PTPRO: variants seen among roughly 807,000 people sequenced by gnomAD.
PTPRO encodes protein tyrosine phosphatase receptor type O.
PTPRO carries 62 observed loss-of-function variants against 145.2 expected under a neutral mutation model. The ratio of observed to expected loss-of-function variants is 0.43; its 90% CI spans 0.35 to 0.53. The LOEUF is 0.53. PTPRO is among the 20% of genes least tolerant of loss of function. The pLI is 0.01. For synonymous variants in PTPRO, 565 were observed against 514.7 expected (o/e 1.10, Z -1.32); for missense variants, 1,345 against 1,482.7 (o/e 0.91, Z 1.53).
At chr12:15,562,902 A>G (rs746461053) in intron 17 of PTPRO, among the ~76,000 whole-genome samples, 23 of 152,214 alleles carry the variant, frequency 1.5e-4, no homozygotes, top group Non-Finnish European at 3.1e-4. Context: ...TTGAAGAATG[A>G]TATAATATAC....
At chr12:15,428,861 G>T (rs1004281111) in intron 1 of PTPRO, among the ~76,000 whole-genome samples, 3 of 152,064 alleles carry the variant, frequency 2.0e-5, no homozygotes, top group Non-Finnish European at 4.4e-5. Context: ...ATTCCAGCCA[G>T]CAGGAAGGAG....
intron 15 of PTPRO, among the ~76,000 whole-genome samples, chr12:15,554,090 A>G (rs915492778): frequency 6.6e-6 from 1 of 152,172 alleles, no homozygotes; most frequent in Non-Finnish European, 1.5e-5. Context: ...GCTACTCAGG[A>G]GGCTGAGACA....
rs1202762317 is a variant in PTPRO at position 15,597,768 on chromosome 12, ACCT to A, written c.*1703_*1705del. Among the ~76,000 whole-genome samples the A allele has an allele frequency of 6.6e-6, 1 of 151,504 alleles. No homozygotes were observed. The highest frequency in any genetic ancestry group is 1.5e-5 in the Non-Finnish European group (1 of 67,844). Reference sequence around the variant, plus strand: ...AGTTCCTACTCACCTCCCTGCTACCACCTCCTCCTCTTCTTCTCACCCCCGACT... The same window carrying A: ...AGTTCCTACTCACCTCCCTGCTACCACCTCCTCTTCTTCTCACCCCCGACT... On this transcript the variant is annotated 3_prime_UTR_variant, in exon 27 of 27. Transcript: ENST00000281171.
chr12:15,438,099 A>G (rs1182451214), intron 1 of PTPRO, among the ~76,000 whole-genome samples: 1 of 152,242 alleles, frequency 6.6e-6, no homozygotes, highest in Non-Finnish European at 1.5e-5. Flanking sequence ...CTGCTATAGA[A>G]GAAAAACTGA....
chr12:15,450,055 T>C (rs1182346342), intron 1 of PTPRO, among the ~76,000 whole-genome samples: 5 of 152,246 alleles, frequency 3.3e-5, no homozygotes, highest in Admixed American at 2.0e-4. Context: ...CCCTTCTCTT[T>C]TTCTTGTCAT....
chr12:15,475,367 C>G (rs1043267792), intron 1 of PTPRO, among the ~76,000 whole-genome samples: 3 of 152,154 alleles, frequency 2.0e-5, no homozygotes, highest in Non-Finnish European at 2.9e-5. Context: ...TTTTGCTTAA[C>G]AGACTTTCCC....
intron 1 of PTPRO, among the ~76,000 whole-genome samples, chr12:15,360,471 G>A (rs1206778137): frequency 6.6e-6 from 1 of 152,014 alleles, no homozygotes; most frequent in East Asian, 1.9e-4. Context: ...GAAATTTTCT[G>A]GTCTAAGTCC....
intron 1 of PTPRO, among the ~76,000 whole-genome samples, chr12:15,376,035 C>T (rs1234351746): frequency 1.3e-5 from 2 of 152,102 alleles, no homozygotes; most frequent in Non-Finnish European, 2.9e-5. Flanking sequence ...TCAACATACA[C>T]ATTATGTGAG....
At chr12:15,384,351 T>A (rs1938956593) in intron 1 of PTPRO, among the ~76,000 whole-genome samples, 1 of 152,182 alleles carries the variant, frequency 6.6e-6, no homozygotes, top group South Asian at 2.1e-4. Flanking sequence ...TTAGTTAGTT[T>A]GAACTGCCAT....
At chr12:15,564,039 G>A (rs1943840059) in intron 17 of PTPRO, among the ~76,000 whole-genome samples, 3 of 152,132 alleles carry the variant, frequency 2.0e-5, no homozygotes, top group Admixed American at 2.0e-4. Context: ...ATGCCTATAA[G>A]ATACAGCTAT....
At chr12:15,513,165 G>GAA (rs1565675730) in intron 7 of PTPRO, among the ~76,000 whole-genome samples, 1 of 54,366 alleles carries the variant, frequency 1.8e-5, no homozygotes, top group African/African-American at 8.2e-5. Context: ...GAAAAAGAAA[G>GAA]AAAGAAAGAA....
intron 1 of PTPRO, among the ~76,000 whole-genome samples, chr12:15,419,070 C>T (rs1940061263): frequency 6.6e-6 from 1 of 151,438 alleles, no homozygotes; most frequent in African/African-American, 2.5e-5. Context: ...TTACAGTACA[C>T]AGAAGATAAA....
At chr12:15,383,005 T>C (rs1938911937) in intron 1 of PTPRO, among the ~76,000 whole-genome samples, 1 of 152,214 alleles carries the variant, frequency 6.6e-6, no homozygotes, top group African/African-American at 2.4e-5. Flanking sequence ...TTTTAAAATA[T>C]ACAATACAAT....
At chr12:15,330,247 C>T (rs1349637734) in intron 1 of PTPRO, among the ~76,000 whole-genome samples, 2 of 152,188 alleles carry the variant, frequency 1.3e-5, no homozygotes, top group African/African-American at 4.8e-5. Context: ...AGACGACAAA[C>T]ACTGGCATTA....
chr12:15,536,344 G>T (rs962342140), intron 12 of PTPRO, among the ~76,000 whole-genome samples: 1 of 152,194 alleles, frequency 6.6e-6, no homozygotes, highest in Non-Finnish European at 1.5e-5. Flanking sequence ...TTGAGTCAGA[G>T]CCTAAAGGAG....
intron 23 of PTPRO, among the ~76,000 whole-genome samples, chr12:15,584,727 T>TC (rs1944394977): frequency 6.6e-6 from 1 of 152,212 alleles, no homozygotes; most frequent in South Asian, 2.1e-4. Context: ...AATTAATATA[T>TC]TTTTCAATTT....
chr12:15,478,384 T>C lies in PTPRO; in HGVS notation c.76-5590T>C, dbSNP rs994247553. On this transcript the variant is annotated intron_variant, in intron 1 of 26. Transcript: ENST00000281171. ...AATCCTAGCTTATGAAATGCTGTGG[T>C]TGAAAAATGTCAACTCTCTTTAAAA... Among the ~76,000 whole-genome samples, 3 of 152,368 alleles carry C rather than the reference T, an allele frequency of 2.0e-5. No individual in the cohort carries two copies. In the East Asian group the frequency reaches 5.8e-4, roughly 29 times the overall value.
intron 9 of PTPRO, 128 bp downstream of exon 9, chr12:15,517,084 A>G (rs1368117468): frequency 2.2e-6 from 2 of 901,532 alleles, no homozygotes; most frequent in African/African-American, 3.3e-5. Flanking sequence ...GTGTTAGTTC[A>G]TTTTCACACT....
chr12:15,542,410 G>A (rs1049809005), intron 12 of PTPRO, among the ~76,000 whole-genome samples: 1 of 152,156 alleles, frequency 6.6e-6, no homozygotes, highest in South Asian at 2.1e-4. Context: ...AGCCATTCTG[G>A]GCAGCATGCG....
Sources: gnomAD v4.1 joint callset for allele counts (sites outside exome capture counted in the v4.1 genomes callset) on GRCh38, gnomAD v4.1.1 for gene constraint, MANE v1.5 for transcripts, NCBI Gene and HGNC (gene_info 2026-07-23, HGNC 2026-07-21) for gene names.